Variants in KALRN observed in about 807,000 individuals in gnomAD.
The protein encoded by KALRN is kalirin RhoGEF kinase.
In KALRN, 70 loss-of-function variants were observed where a neutral mutation model predicts 353.7. That is an observed-to-expected ratio of 0.20 (90% CI 0.16 to 0.24). The LOEUF (loss-of-function observed/expected upper bound fraction) is 0.24. KALRN is among the 10% of genes least tolerant of loss of function. KALRN has a pLI of 1.00. For missense variants in KALRN, 2,791 were observed against 3,756.7 expected, an observed-to-expected ratio of 0.74 and a Z score of 6.72; for synonymous variants, 1,391 against 1,434.8, an observed-to-expected ratio of 0.97 and a Z score of 0.69.
At chr3:124,638,993 A>G (rs60960767) in intron 37 of KALRN, among the ~76,000 whole-genome samples, 5,629 of 152,296 alleles carry the variant, frequency 0.037, 539 homozygotes, top group East Asian at 0.34. Context: ...GCCTATACAT[A>G]AAGTCCACAC....
At chr3:124,699,737 G>A (rs963856716) in intron 55 of KALRN, 132 bp from the exon 56 acceptor site, 1 of 827,266 alleles carries the variant, frequency 1.2e-6, no homozygotes, top group Non-Finnish European at 1.9e-6. Context: ...CAGGCTTTCA[G>A]AGCCTGACAC....
At chr3:124,412,846 A>G (rs189741744) in intron 13 of KALRN, among the ~76,000 whole-genome samples, 14 of 152,350 alleles carry the variant, frequency 9.2e-5, no homozygotes, top group Non-Finnish European at 1.8e-4. Flanking sequence ...AATGTTGCAC[A>G]ATAGAACACA....
Position 124,412,157 on chromosome 3 carries a change from G to T in KALRN, c.2347-1313G>T, listed in dbSNP as rs147545629. ...GGCTGCTTGGCTTTCCCATCCCAGTGTGTGTACCCCAGCATGGAATATAAG... is the reference window on the plus strand; with the variant it reads ...GGCTGCTTGGCTTTCCCATCCCAGTTTGTGTACCCCAGCATGGAATATAAG... On this transcript the variant is annotated intron_variant, in intron 13 of 59. Transcript: ENST00000682506. Among the ~76,000 whole-genome samples, 823 of 152,314 alleles carry T rather than the reference G, an allele frequency of 5.4e-3. 3 individuals carry two copies. Among genetic ancestry groups the T allele is most frequent in the Non-Finnish European group, 8.5e-3 (581 of 68,028 alleles).
chr3:124,490,186 A>G (rs182404081), intron 29 of KALRN, among the ~76,000 whole-genome samples: 20 of 152,292 alleles, frequency 1.3e-4, no homozygotes, highest in African/African-American at 4.8e-4. Flanking sequence ...TGAACCTGGG[A>G]GTTCAAGGCT....
chr3:124,064,228 A>G (rs1432950799), intron 1 of KALRN, among the ~76,000 whole-genome samples: 1 of 152,166 alleles, frequency 6.6e-6, no homozygotes, highest in East Asian at 1.9e-4. Flanking sequence ...AAGGAAGCAT[A>G]AACCAGAGGG....
intron 49 of KALRN, chr3:124,677,704 A>G (rs933440548): frequency 2.3e-6 from 1 of 429,566 alleles, no homozygotes; most frequent in African/African-American, 2.0e-5. Flanking sequence ...CCCAAATACA[A>G]ATCATGAGGT....
intron 10 of KALRN, among the ~76,000 whole-genome samples, chr3:124,352,871 G>A (rs145313807): frequency 0.014 from 2,088 of 152,252 alleles, 42 homozygotes; most frequent in African/African-American, 0.048. Flanking sequence ...TTGTGGGGTA[G>A]GGGGCTGAGG....
intron 33 of KALRN, among the ~76,000 whole-genome samples, chr3:124,534,843 GACA>G (rs2068377616): frequency 6.6e-6 from 1 of 152,120 alleles, no homozygotes; most frequent in East Asian, 1.9e-4. Context: ...CTGGACATCA[GACA>G]ACAAGGACAG....
intron 36 of KALRN, 162 bp from the exon 37 acceptor site, chr3:124,637,046 G>A (rs2081422984): frequency 1.2e-5 from 8 of 643,362 alleles, no homozygotes; most frequent in South Asian, 3.5e-5. Context: ...AGGCCTGTAT[G>A]TATTACACCC....
chr3:124,231,261 C>T (rs935506412), intron 2 of KALRN, among the ~76,000 whole-genome samples: 34 of 152,262 alleles, frequency 2.2e-4, no homozygotes, highest in Admixed American at 2.6e-4. Context: ...CTGTCATTCA[C>T]AGCTCACGAG....
At position 124,721,697 on chromosome 3, in the gene KALRN, C is replaced by T. The variant is rs1179220926; in HGVS notation, c.*2227C>T. The stretch of plus-strand genomic sequence containing the variant: ...CCTGAGCCGGGCGCGGCGGCTCACG[C>T]CTGTGATCCCAGCACTTTGGGAGGC... On this transcript the variant is annotated 3_prime_UTR_variant, in exon 60 of 60. Coordinates refer to ENST00000682506, the MANE Select transcript of KALRN (RefSeq NM_001388419.1). 6.6e-6 allele frequency: 1 copy of T among 152,274 alleles called. No homozygotes were observed. The allele number at this position is 152,274 out of a possible 1,614,324, so 9.4% of individuals were successfully genotyped here. A position where few individuals can be genotyped will look rare whatever the true frequency, so the allele number is the denominator to read the frequency against.
intron 10 of KALRN, among the ~76,000 whole-genome samples, chr3:124,352,530 T>C (rs1284660904): frequency 6.6e-6 from 1 of 152,222 alleles, no homozygotes; most frequent in African/African-American, 2.4e-5. Flanking sequence ...GCTAGACATA[T>C]TAAGTAGCAT....
At chr3:124,319,993 CAAT>C (rs72147097) in intron 6 of KALRN, among the ~76,000 whole-genome samples, 48,119 of 150,936 alleles carry the variant, frequency 0.32, 7,731 homozygotes, top group Admixed American at 0.36. Flanking sequence ...GACTCCATCT[CAAT>C]AATAATAATA....
chr3:124,140,138 A>G (rs1398262532), intron 1 of KALRN, among the ~76,000 whole-genome samples: 2 of 152,120 alleles, frequency 1.3e-5, no homozygotes, highest in Admixed American at 6.5e-5. Context: ...ATCGTTGACT[A>G]ACTTCAGTAG....
intron 38 of KALRN, 147 bp downstream of exon 38, chr3:124,651,085 CT>C (rs2083366131): frequency 1.0e-6 from 1 of 965,888 alleles, no homozygotes; most frequent in Non-Finnish European, 1.5e-6. Flanking sequence ...CAGCATAGCA[CT>C]GATAAACATT....
At chr3:124,285,612 T>C (rs979394312) in intron 5 of KALRN, among the ~76,000 whole-genome samples, 2 of 152,354 alleles carry the variant, frequency 1.3e-5, no homozygotes. Flanking sequence ...CCCAGCTCAC[T>C]GCAACCTCTG....
At chr3:124,432,424 A>G (rs1481254162) in intron 16 of KALRN, among the ~76,000 whole-genome samples, 1 of 152,194 alleles carries the variant, frequency 6.6e-6, no homozygotes, top group East Asian at 1.9e-4. Flanking sequence ...AAAAACAAAA[A>G]AAGAATTGGG....
At chr3:124,316,179 G>A (rs745642170) in intron 6 of KALRN, among the ~76,000 whole-genome samples, 7 of 152,118 alleles carry the variant, frequency 4.6e-5, no homozygotes, top group African/African-American at 7.2e-5. Flanking sequence ...CCAGAATCTG[G>A]CCTCTTATTG....
At chr3:124,073,589 A>C (rs1313835384) in intron 1 of KALRN, among the ~76,000 whole-genome samples, 1 of 152,202 alleles carries the variant, frequency 6.6e-6, no homozygotes, top group African/African-American at 2.4e-5. Context: ...ATAAAAAAGG[A>C]ATAAATTTTC....
Sources: allele counts gnomAD v4.1 joint callset (sites outside exome capture counted in the v4.1 genomes callset), GRCh38; gene constraint gnomAD v4.1.1; transcripts MANE v1.5; gene names NCBI Gene and HGNC (gene_info 2026-07-23, HGNC 2026-07-21).